RACGAP1: variants seen among roughly 807,000 people sequenced by gnomAD.
RACGAP1 encodes rac GTPase-activating protein 1.
In RACGAP1, 30 loss-of-function variants were observed where a neutral mutation model predicts 78.1. The observed-to-expected ratio is 0.38, with a 90% CI of 0.29 to 0.52. The LOEUF (loss-of-function observed/expected upper bound fraction) is 0.52, where lower values mean the gene tolerates loss of function less well. Among genes scored for constraint, RACGAP1 ranks in the 20% least tolerant of loss-of-function variants. RACGAP1 has a pLI of 0.82. For synonymous variants in RACGAP1, 231 were observed against 264.8 expected (o/e 0.87, Z 1.24); for missense variants, 587 against 777.1 (o/e 0.76, Z 2.91).
chr12:49,997,915 CA>C (rs1565667565), intron 9 of RACGAP1, among the ~76,000 whole-genome samples: 1 of 152,058 alleles, frequency 6.6e-6, no homozygotes, highest in Non-Finnish European at 1.5e-5. Context: ...TAGTATGTGC[CA>C]AAAAATTTTC....
chr12:50,021,664 G>T (rs984758438), intron 1 of RACGAP1, among the ~76,000 whole-genome samples: 2 of 152,142 alleles, frequency 1.3e-5, no homozygotes, highest in African/African-American at 2.4e-5. Flanking sequence ...TGCATCAAGG[G>T]TGTTAAATAC....
chr12:50,012,292 G>T (rs1407950574), intron 2 of RACGAP1, among the ~76,000 whole-genome samples: 2 of 152,158 alleles, frequency 1.3e-5, no homozygotes, highest in African/African-American at 2.4e-5. Flanking sequence ...CAGGCGCGGT[G>T]GCTCACGCCT....
chr12:50,019,191 T>C (rs1949856375), intron 1 of RACGAP1, among the ~76,000 whole-genome samples: 1 of 152,156 alleles, frequency 6.6e-6, no homozygotes, highest in Non-Finnish European at 1.5e-5. Context: ...CACCCCCTTA[T>C]CACTTGCAGG....
intron 2 of RACGAP1, among the ~76,000 whole-genome samples, chr12:50,011,725 G>A (rs980205453): frequency 1.9e-4 from 29 of 152,248 alleles, no homozygotes; most frequent in African/African-American, 6.3e-4. Flanking sequence ...GGAGGACGAG[G>A]CAGGAGGATC....
rs567048021 is a variant in RACGAP1 at position 49,999,409 on chromosome 12, C to T, written c.749-138G>A. ...GAGAACTAATGGCTATGTAAAAAAA[C>T]AGTTTCAAGAAAAACTAAAGTTATG... On this transcript the variant is annotated intron_variant, in intron 8 of 16. Coordinates refer to ENST00000312377, the MANE Select transcript of RACGAP1 (RefSeq NM_001319999.2). The T allele has an allele frequency of 9.1e-4, 1,112 of 1,216,418 alleles. 13 individuals carry two copies. Among genetic ancestry groups the T allele is most frequent in the South Asian group, 8.2e-3 (532 of 64,562 alleles). 75.4% of individuals were successfully genotyped at this position (1,216,418 alleles called of 1,614,324 possible). A position where few individuals can be genotyped will look rare whatever the true frequency, so the allele number is the denominator to read the frequency against.
At chr12:50,031,065 C>T (rs371222102) in intron 2 of RACGAP1, among the ~76,000 whole-genome samples, 2 of 151,466 alleles carry the variant, frequency 1.3e-5, no homozygotes, top group Non-Finnish European at 2.9e-5. Context: ...CAGACGCCAC[C>T]GCGCCCGGCC....
upstream of RACGAP1, among the ~76,000 whole-genome samples, chr12:50,026,178 G>A (rs544032347): frequency 2.0e-5 from 3 of 152,008 alleles, no homozygotes; most frequent in Admixed American, 1.3e-4. Context: ...TACATTTTAC[G>A]TTGCAACCGG....
chr12:50,016,614 A>C lies in RACGAP1; in HGVS notation c.85+17T>G. ...AATCTGTTTTTCCTTTGGACAGGCC[A>C]GCTCAGAATGACTTACGGACTTCAT... On this transcript the variant is annotated intron_variant, in intron 2 of 16. Coordinates refer to ENST00000312377, the MANE Select transcript of RACGAP1 (RefSeq NM_001319999.2). 6.2e-7 allele frequency: 1 copy of C among 1,607,844 alleles called. No individual in the cohort carries two copies. The highest frequency in any genetic ancestry group is 2.2e-5 in the East Asian group (1 of 44,860).
At chr12:50,021,686 G>C (rs1950018107) in intron 1 of RACGAP1, among the ~76,000 whole-genome samples, 1 of 152,174 alleles carries the variant, frequency 6.6e-6, no homozygotes, top group Admixed American at 6.5e-5. Context: ...TTAAGACAAA[G>C]CAATGAAAGG....
Position 50,032,604 on chromosome 12 carries a change from C to T in RACGAP1, c.-195+366G>A, listed in dbSNP as rs1310779608. Among the ~76,000 whole-genome samples, 3 of 150,360 alleles carry T rather than the reference C, an allele frequency of 2.0e-5. No individual in the cohort carries two copies. In the East Asian group the frequency reaches 5.8e-4, roughly 29 times the overall value. On this transcript the variant is annotated intron_variant, in intron 1 of 3. Transcript: ENST00000548247. ...CGTGGGGGCGCGGGTTCCTAACTCC[C>T]TTTCTTCCCAAACTGTAGCTTCCAG... is the stretch of plus-strand genomic sequence containing the variant.
Position 50,004,296 on chromosome 12 carries a change from G to A in RACGAP1, c.434C>T (p.Thr145Ile). The change falls in exon 5 of 17, where the codon ACC (threonine) becomes ATC (isoleucine). Residue 145 changes from threonine (T) to isoleucine (I), a missense_variant. Coordinates refer to ENST00000312377, the MANE Select transcript of RACGAP1 (RefSeq NM_001319999.2). ...SSNAGNKRLS[T>I]IDESGSILSD... The stretch of plus-strand genomic sequence containing the variant: ...TAAAATGGAACCAGATTCATCAATG[G>A]TTGATAGTCTAGATCAGTGAAACAA... 1 of 1,604,034 alleles carries A rather than the reference G, an allele frequency of 6.2e-7. No homozygotes were observed. Among genetic ancestry groups the A allele is most frequent in the Non-Finnish European group, 8.5e-7 (1 of 1,172,054 alleles).
intron 2 of RACGAP1, among the ~76,000 whole-genome samples, chr12:50,009,821 C>G (rs1949202405): frequency 6.6e-6 from 1 of 152,212 alleles, no homozygotes; most frequent in African/African-American, 2.4e-5. Flanking sequence ...GCTATGCACT[C>G]CAAATGGAAT....
intron 5 of RACGAP1, among the ~76,000 whole-genome samples, chr12:50,003,592 C>T (rs923386132): frequency 1.3e-5 from 2 of 152,140 alleles, no homozygotes; most frequent in African/African-American, 4.8e-5. Flanking sequence ...CAGCTAGTAA[C>T]AGAAAAGATG....
intron 2 of RACGAP1, among the ~76,000 whole-genome samples, chr12:50,030,577 T>A (rs926854750): frequency 1.7e-4 from 25 of 151,468 alleles, no homozygotes; most frequent in African/African-American, 4.9e-4. Context: ...TAATCCCAGC[T>A]ACTCAGGAGG....
intron 9 of RACGAP1, among the ~76,000 whole-genome samples, chr12:49,998,447 CACTT>C (rs1360481117): frequency 6.6e-6 from 1 of 151,958 alleles, no homozygotes; most frequent in African/African-American, 2.4e-5. Context: ...TGAAATCTGT[CACTT>C]ACTATCATGT....
At position 49,992,231 on chromosome 12, in the gene RACGAP1, A is replaced by G. The variant is rs1432746470; in HGVS notation, c.1578+14T>C. 6.2e-7 allele frequency: 1 copy of G among 1,613,920 alleles called. No homozygotes were observed. The stretch of plus-strand genomic sequence containing the variant: ...TACACAAGTTCACATACACACACAC[A>G]CGCACCTGCCTACCTTGGGTTGACG... On this transcript the variant is annotated intron_variant, in intron 14 of 16. Coordinates refer to ENST00000312377, the MANE Select transcript of RACGAP1 (RefSeq NM_001319999.2).
rs748467729 is a variant in RACGAP1 at position 49,999,144 on chromosome 12, C to T, written c.876G>A (p.Lys292=). Residue 292 remains lysine (K), a synonymous_variant, in exon 9 of 17, where the codon AAG becomes AAA. Transcript: ENST00000312377. ...CAAACAACAATCACAGATTTACCGT[C>T]TTAGAAACAAAGTCATGCAGGCGCA... ...GGMRLHDFVS[K]TVIKPESCVP... 3 of 1,589,084 alleles carry T rather than the reference C, an allele frequency of 1.9e-6. No homozygotes were observed. Among genetic ancestry groups the T allele is most frequent in the Non-Finnish European group, 2.6e-6 (3 of 1,172,882 alleles).
intron 1 of RACGAP1, among the ~76,000 whole-genome samples, chr12:50,024,895 A>G (rs1017476565): frequency 6.6e-6 from 1 of 152,040 alleles, no homozygotes; most frequent in African/African-American, 2.4e-5. Flanking sequence ...AAAGTGTACA[A>G]GTAAGGCCTC....
intron 1 of RACGAP1, among the ~76,000 whole-genome samples, chr12:50,020,091 A>G (rs1949922651): frequency 6.6e-6 from 1 of 152,222 alleles, no homozygotes; most frequent in South Asian, 2.1e-4. Context: ...CTATACAATT[A>G]GAAAGAAAAG....
Sources: allele counts gnomAD v4.1 joint callset (sites outside exome capture counted in the v4.1 genomes callset), GRCh38; gene constraint gnomAD v4.1.1; transcripts MANE v1.5; gene names NCBI Gene and HGNC (gene_info 2026-07-23, HGNC 2026-07-21).